TRIO: variants seen among roughly 807,000 people sequenced by gnomAD.
TRIO encodes trio Rho guanine nucleotide exchange factor, also known as triple functional domain protein.
In TRIO, 58 loss-of-function variants were observed where a neutral mutation model predicts 351.9. That is an observed-to-expected ratio of 0.16 (90% CI 0.13 to 0.21). The LOEUF (loss-of-function observed/expected upper bound fraction) is 0.21, where lower values mean the gene tolerates loss of function less well. TRIO is among the 10% of genes least tolerant of loss of function. The probability of loss-of-function intolerance (pLI) is 1.00; values close to 1 mark genes in which losing one functional copy is unlikely to be tolerated. For missense variants in TRIO, 3,201 were observed against 4,027.8 expected, an observed-to-expected ratio of 0.79 and a Z score of 5.56; for synonymous variants, 1,758 against 1,595.7, an observed-to-expected ratio of 1.10 and a Z score of -2.42.
chr5:14,435,431 TC>T (rs1392960359), intron 34 of TRIO, among the ~76,000 whole-genome samples: 1 of 152,138 alleles, frequency 6.6e-6, no homozygotes, highest in Non-Finnish European at 1.5e-5. Flanking sequence ...CTGCAGCATT[TC>T]CCCCACTGTA....
At chr5:14,373,600 G>A (rs1745310203) in intron 18 of TRIO, among the ~76,000 whole-genome samples, 1 of 151,992 alleles carries the variant, frequency 6.6e-6, no homozygotes, top group African/African-American at 2.4e-5. Context: ...AACTGGTTTG[G>A]TTTATCCTGC....
chr5:14,249,782 C>T (rs1794635656), intron 1 of TRIO, among the ~76,000 whole-genome samples: 1 of 152,170 alleles, frequency 6.6e-6, no homozygotes, highest in Non-Finnish European at 1.5e-5. Context: ...TAAAAACCTG[C>T]ATCCTCAAGC....
intron 45 of TRIO, among the ~76,000 whole-genome samples, chr5:14,482,140 T>C (rs1755572606): frequency 6.6e-6 from 1 of 152,154 alleles, no homozygotes; most frequent in Admixed American, 6.6e-5. Context: ...CAGGAGAAGT[T>C]TTTATTTTCT....
intron 1 of TRIO, among the ~76,000 whole-genome samples, chr5:14,152,141 ATCCCTC>A (rs551488592): frequency 1.3e-5 from 2 of 152,300 alleles, no homozygotes; most frequent in South Asian, 4.1e-4. Flanking sequence ...ACTGGAATAA[ATCCCTC>A]ATTAGTCTAA....
intron 1 of TRIO, among the ~76,000 whole-genome samples, chr5:14,252,135 A>G (rs1794781871): frequency 1.3e-5 from 2 of 152,208 alleles, no homozygotes; most frequent in South Asian, 2.1e-4. Context: ...GCCTTGTTCA[A>G]GATTTTGTCT....
intron 6 of TRIO, among the ~76,000 whole-genome samples, 175 bp downstream of exon 6, chr5:14,293,309 A>G (rs1737065732): frequency 6.6e-6 from 1 of 152,182 alleles, no homozygotes; most frequent in Admixed American, 6.5e-5. Context: ...ACTATCCCAC[A>G]TTTTAAGTTT....
chr5:14,352,611 C>T (rs2152332165), intron 11 of TRIO, among the ~76,000 whole-genome samples: 1 of 152,306 alleles, frequency 6.6e-6, no homozygotes, highest in African/African-American at 2.4e-5. Flanking sequence ...TTAGAAGTGA[C>T]CTTTATCTAA....
At chr5:14,360,092 C>A (rs1173297093) in intron 13 of TRIO, among the ~76,000 whole-genome samples, 1 of 152,060 alleles carries the variant, frequency 6.6e-6, no homozygotes, top group Non-Finnish European at 1.5e-5. Flanking sequence ...CTTCTCTCTT[C>A]TAGAGTGGGA....
chr5:14,257,833 G>C (rs164862), intron 1 of TRIO, among the ~76,000 whole-genome samples: 72,652 of 152,018 alleles, frequency 0.48, 18,428 homozygotes, highest in East Asian at 0.59. Flanking sequence ...AATAATTTTA[G>C]GTAAATGGGC....
At chr5:14,161,337 G>C (rs1462652164) in intron 1 of TRIO, among the ~76,000 whole-genome samples, 1 of 152,148 alleles carries the variant, frequency 6.6e-6, no homozygotes, top group African/African-American at 2.4e-5. Context: ...TGTGTTTGCT[G>C]TTCCCTCTTC....
At chr5:14,205,112 A>G (rs942339774) in intron 1 of TRIO, among the ~76,000 whole-genome samples, 2 of 152,310 alleles carry the variant, frequency 1.3e-5, no homozygotes, top group Admixed American at 6.5e-5. Flanking sequence ...AGGGCACAGG[A>G]TTTTATTGTC....
intron 11 of TRIO, among the ~76,000 whole-genome samples, chr5:14,351,922 G>T (rs1414350254): frequency 2.6e-5 from 4 of 152,204 alleles, no homozygotes; most frequent in African/African-American, 9.6e-5. Context: ...CCCCAGCCAG[G>T]TCCTCTAGGC....
chr5:14,291,330 A>T (rs1736882989), intron 5 of TRIO, 102 bp downstream of exon 5: 1 of 1,244,348 alleles, frequency 8.0e-7, no homozygotes. Flanking sequence ...GTAAGGCTAT[A>T]CTCACCGTGT....
At chr5:14,240,053 G>T (rs1420015962) in intron 1 of TRIO, among the ~76,000 whole-genome samples, 1 of 152,184 alleles carries the variant, frequency 6.6e-6, no homozygotes, top group Non-Finnish European at 1.5e-5. Flanking sequence ...TCCTAAATTA[G>T]CTTTTGCCTG....
chr5:14,311,990 G>A (rs2152302264), intron 8 of TRIO, among the ~76,000 whole-genome samples: 1 of 152,210 alleles, frequency 6.6e-6, no homozygotes, highest in South Asian at 2.1e-4. Context: ...ATCTTTATTT[G>A]GTCTTTGGGC....
intron 13 of TRIO, among the ~76,000 whole-genome samples, chr5:14,362,123 T>C (rs760362264): frequency 2.0e-5 from 3 of 152,152 alleles, no homozygotes; most frequent in African/African-American, 4.8e-5. Context: ...TCTGAATGAA[T>C]GAATGTCTTC....
chr5:14,353,513 C>G (rs2152332758), intron 11 of TRIO, among the ~76,000 whole-genome samples: 1 of 152,220 alleles, frequency 6.6e-6, no homozygotes, highest in Non-Finnish European at 1.5e-5. Context: ...ATCTGCCCGC[C>G]TCGACCTCTG....
intron 41 of TRIO, among the ~76,000 whole-genome samples, chr5:14,478,124 C>G (rs192491203): frequency 1.3e-5 from 2 of 152,278 alleles, no homozygotes; most frequent in Admixed American, 6.5e-5. Flanking sequence ...ACTCACAACT[C>G]GGTTACATAA....
At chr5:14,397,697 C>T (rs562465923) in intron 29 of TRIO, among the ~76,000 whole-genome samples, 26 of 152,176 alleles carry the variant, frequency 1.7e-4, no homozygotes, top group Non-Finnish European at 3.8e-4. Context: ...TGGTTCTTGC[C>T]AGGCTACACA....
Sources: allele counts gnomAD v4.1 joint callset (sites outside exome capture counted in the v4.1 genomes callset), GRCh38; gene constraint gnomAD v4.1.1; transcripts MANE v1.5; gene names NCBI Gene and HGNC (gene_info 2026-07-23, HGNC 2026-07-21).